Variants in MAGED1 observed in about 807,000 individuals in gnomAD.
MAGED1 encodes MAGE family member D1, also known as melanoma-associated antigen D1.
MAGED1 carries 3 observed loss-of-function variants against 54.1 expected under a neutral mutation model. The ratio of observed to expected loss-of-function variants is 0.06; its 90% CI spans 0.03 to 0.14. The LOEUF (loss-of-function observed/expected upper bound fraction) is 0.14, where lower values mean the gene tolerates loss of function less well. Ranked by LOEUF, MAGED1 falls within the 10% of genes least tolerant of loss-of-function variation. The pLI is 1.00. For synonymous variants in MAGED1, 217 were observed against 227.3 expected, an observed-to-expected ratio of 0.95 and a Z score of 0.41; for missense variants, 485 against 623.4, an observed-to-expected ratio of 0.78 and a Z score of 2.36.
chrX:51,863,249 TAGCATAGTGTCCTC>T (rs2146988448), intron 1 of MAGED1, among the ~76,000 whole-genome samples: 1 of 112,391 alleles, frequency 8.9e-6, no homozygotes, highest in South Asian at 3.7e-4. Context: ...TTATATCACT[TAGCATAGTGTCCTC>T]CAGGTTCATC....
intron 1 of MAGED1, among the ~76,000 whole-genome samples, chrX:51,812,944 A>G (rs1362751765): frequency 5.7e-5 from 6 of 105,467 alleles, no homozygotes; most frequent in Non-Finnish European, 1.2e-4. Context: ...TTTTTTTTAA[A>G]TTACAACCAT....
In MAGED1 at chrX:51,813,116, C is replaced by T. The variant is rs782483480; in HGVS notation, c.-37+9999C>T. ...TCAGCTCACCACAGCCTCCACCTCC[C>T]GGGTTTAACCGATTCTCCTGCCTTA... is the stretch of plus-strand genomic sequence containing the variant. On this transcript the variant is annotated intron_variant, in intron 1 of 12. Coordinates refer to the MAGED1 transcript ENST00000375772. Among the ~76,000 whole-genome samples the T allele has an allele frequency of 2.2e-4, 23 of 106,975 alleles. No individual in the cohort carries two copies. The East Asian group carries it at 4.1e-3, about 19-fold the overall frequency. 92.9% of individuals were successfully genotyped at this position (106,975 alleles called of 115,157 possible).
intron 1 of MAGED1, among the ~76,000 whole-genome samples, chrX:51,830,119 A>G (rs1427339579): frequency 8.9e-6 from 1 of 112,385 alleles, no homozygotes; most frequent in African/African-American, 3.2e-5. Context: ...AGTGAAAATG[A>G]AGAAATCACA....
chrX:51,828,195 C>G (rs1195767490), intron 1 of MAGED1, among the ~76,000 whole-genome samples: 1 of 111,019 alleles, frequency 9.0e-6, no homozygotes, highest in African/African-American at 3.3e-5. Flanking sequence ...CATTTTTAAT[C>G]TAAGTCTTTC....
rs1925241730 is a variant in MAGED1, at chrX:51,812,158, A to G, written c.-37+9041A>G. Reference sequence around the variant, plus strand: ...CATATTAAGTGCACATGTACCCTAAAACTTAAAGTATAATAATAAAAATAA... The same window carrying G: ...CATATTAAGTGCACATGTACCCTAAGACTTAAAGTATAATAATAAAAATAA... On this transcript the variant is annotated intron_variant, in intron 1 of 12. Coordinates refer to the MAGED1 transcript ENST00000375772. Among the ~76,000 whole-genome samples the G allele has an allele frequency of 2.7e-5, 3 of 109,491 alleles. No individual in the cohort carries two copies. The South Asian group carries it at 1.2e-3, about 43-fold the overall frequency.
At chrX:51,887,091 CAA>C (rs139578352) in intron 1 of MAGED1, among the ~76,000 whole-genome samples, 11,130 of 76,725 alleles carry the variant, frequency 0.15, 683 homozygotes, top group Middle Eastern at 0.22. Flanking sequence ...TACAATGACT[CAA>C]AAAAAAAAAA....
At chrX:51,869,749 T>C (rs1927593044) in intron 1 of MAGED1, among the ~76,000 whole-genome samples, 1 of 110,577 alleles carries the variant, frequency 9.0e-6, no homozygotes, top group South Asian at 3.9e-4. Context: ...CGGGTACCTG[T>C]GGTCCCAGTG....
At chrX:51,874,996 A>G (rs1013819140) in intron 1 of MAGED1, among the ~76,000 whole-genome samples, 2 of 110,968 alleles carry the variant, frequency 1.8e-5, no homozygotes, top group Non-Finnish European at 3.8e-5. Context: ...TCTTGCTTTT[A>G]TGATTTGTTA....
chrX:51,873,043 G>C (rs1488610118), intron 1 of MAGED1, among the ~76,000 whole-genome samples: 1 of 91,282 alleles, frequency 1.1e-5, no homozygotes, highest in Non-Finnish European at 2.3e-5. Flanking sequence ...TTCTTTCATT[G>C]TCAAAAAAAA....
chrX:51,847,647 A>C (rs1398584931), intron 1 of MAGED1, among the ~76,000 whole-genome samples: 1 of 111,225 alleles, frequency 9.0e-6, no homozygotes, highest in African/African-American at 3.3e-5. Flanking sequence ...ACCGAAGATG[A>C]AGAGGCCAGG....
At chrX:51,817,347 G>A (rs1557356168) in intron 1 of MAGED1, among the ~76,000 whole-genome samples, 1 of 111,551 alleles carries the variant, frequency 9.0e-6, no homozygotes, top group Non-Finnish European at 1.9e-5. Context: ...CAAATGAATG[G>A]CACCTAATGG....
intron 1 of MAGED1, chrX:51,857,967 A>G (rs1927147586): frequency 8.9e-6 from 1 of 112,645 alleles, no homozygotes; most frequent in Admixed American, 9.4e-5. Flanking sequence ...AGCATCAGAA[A>G]ATACAGAGTG....
chrX:51,829,821 G>A (rs1352864928), intron 1 of MAGED1, among the ~76,000 whole-genome samples: 1 of 111,723 alleles, frequency 9.0e-6, no homozygotes, highest in Non-Finnish European at 1.9e-5. Flanking sequence ...TGGTATTGGC[G>A]TGGTTGTAGG....
Position 51,895,693 on chromosome X carries a change from C to T in MAGED1, c.686C>T (p.Ser229Leu), listed in dbSNP as rs372248500. Residue 229 changes from serine to leucine, a missense_variant, in exon 3 of 13, where the codon TCA (serine) becomes TTA (leucine). Ser to Leu is a moderately radical substitution (Grantham distance 145). Coordinates refer to ENST00000326587, the MANE Select transcript of MAGED1 (RefSeq NM_006986.4). Reference protein sequence around the residue: ...SEPDGATAQTSADGSQAQNLE... With the variant: ...SEPDGATAQTLADGSQAQNLE... ...CCTGACGGTGCAACTGCACAGACAT[C>T]AGCAGATGGTTCCCAGGCTCAGAAT... 25 of 1,201,066 alleles carry T rather than the reference C, an allele frequency of 2.1e-5. No individual in the cohort carries two copies. The African/African-American group carries it at 3.5e-4, about 17-fold the overall frequency.
At chrX:51,859,088 T>C (rs1283227403) in intron 1 of MAGED1, among the ~76,000 whole-genome samples, 1 of 111,589 alleles carries the variant, frequency 9.0e-6, no homozygotes, top group Non-Finnish European at 1.9e-5. Flanking sequence ...TCTAGCTGTG[T>C]GACTTTAGTT....
In MAGED1 at chrX:51,895,492, A is replaced by G. The variant is rs1928704446; in HGVS notation, c.485A>G (p.Asn162Ser). 8.3e-7 allele frequency: 1 copy of G among 1,210,058 alleles called. No individual in the cohort carries two copies. The highest frequency in any genetic ancestry group is 1.1e-6 in the Non-Finnish European group (1 of 894,784). Residue 162 changes from asparagine (N) to serine (S), a missense_variant, in exon 3 of 13, where the codon AAT (asparagine) becomes AGT (serine). By Grantham distance (46) the Asn-to-Ser change is conservative. Transcript: ENST00000326587. ...AAAGTGGGCCCAAATGCCACCTACA[A>G]TTTCTCTCAGTCTCTCAATGCCAAT... ...TTKVGPNATY[N>S]FSQSLNANDL...
chrX:51,894,342 G>T lies in MAGED1; in HGVS notation c.38G>T (p.Gly13Val). The T allele has an allele frequency of 8.3e-7, 1 of 1,201,567 alleles. No individual in the cohort carries two copies. The highest frequency in any genetic ancestry group is 3.0e-5 in the East Asian group (1 of 33,128). ...QKMDCGAGLLGFQAEASVEDS... is the reference protein window; with the variant it reads ...QKMDCGAGLLVFQAEASVEDS... ...ATGGACTGTGGTGCGGGCCTCCTCG[G>T]CTTCCAGGTGAGATCTCCACTCCCC... The change falls in exon 2 of 13, where the codon GGC (glycine) becomes GTC (valine). Residue 13 changes from glycine to valine, a missense_variant. Gly to Val is a moderately radical substitution (Grantham distance 109). Around this residue, in one of 2 missense-constraint regions of MAGED1, gnomAD observed 299 missense variants for 293.1 expected, o/e 1.02. Coordinates refer to ENST00000326587, the MANE Select transcript of MAGED1 (RefSeq NM_006986.4).
intron 1 of MAGED1, among the ~76,000 whole-genome samples, chrX:51,839,221 C>G (rs1162905859): frequency 8.9e-6 from 1 of 111,796 alleles, no homozygotes; most frequent in Non-Finnish European, 1.9e-5. Context: ...CTTATACTCT[C>G]AATACTTAAA....
chrX:51,833,116 TAGTA>T (rs1926125950), intron 1 of MAGED1, among the ~76,000 whole-genome samples: 1 of 111,695 alleles, frequency 9.0e-6, no homozygotes, highest in South Asian at 3.7e-4. Flanking sequence ...TCATGAAAGT[TAGTA>T]AGAAAGTAGA....
Sources: allele counts gnomAD v4.1 joint callset (sites outside exome capture counted in the v4.1 genomes callset), GRCh38; gene constraint gnomAD v4.1.1; regional missense constraint gnomAD v4.1.1; transcripts MANE v1.5; gene names NCBI Gene and HGNC (gene_info 2026-07-23, HGNC 2026-07-21).